Variants in ZNF236 observed in about 807,000 individuals in gnomAD.
The protein encoded by ZNF236 is regulated by glucose.
Under a neutral mutation model 191.2 loss-of-function variants are expected in ZNF236, and 50 were observed. The observed-to-expected ratio is 0.26, with a 90% CI of 0.21 to 0.33. The LOEUF (loss-of-function observed/expected upper bound fraction) is 0.33. Ranked by LOEUF, ZNF236 falls within the 10% of genes least tolerant of loss-of-function variation. The pLI is 1.00. For synonymous variants in ZNF236, 907 were observed against 928.8 expected, an observed-to-expected ratio of 0.98 and a Z score of 0.43; for missense variants, 1,754 against 2,374.5, an observed-to-expected ratio of 0.74 and a Z score of 5.43.
At chr18:76,877,394 G>A (rs894726008) in intron 6 of ZNF236, among the ~76,000 whole-genome samples, 1 of 152,022 alleles carries the variant, frequency 6.6e-6, no homozygotes, top group African/African-American at 2.4e-5. Flanking sequence ...TGTAATCCCA[G>A]CTACTTGGGA....
At chr18:76,852,912 C>T (rs868180040) in intron 3 of ZNF236, among the ~76,000 whole-genome samples, 1 of 152,106 alleles carries the variant, frequency 6.6e-6, no homozygotes, top group Non-Finnish European at 1.5e-5. Context: ...CCTTACTTCT[C>T]TTGTGATGTT....
At position 76,880,404 on chromosome 18, in the gene ZNF236, C is replaced by A. The variant is rs567355859; in HGVS notation, c.1188+88C>A. On this transcript the variant is annotated intron_variant, in intron 8 of 30. Coordinates refer to ENST00000320610, the MANE Select transcript of ZNF236 (RefSeq NM_001306089.2). This position sits in a 1 kb window ranked among gnomAD's most constrained non-coding sequence, Gnocchi z 5.0. ...GATAATTGAGAATAAATCTGCAGGG[C>A]TTGTCAAAGTCAGGGTATCCTCATG... is the stretch of plus-strand genomic sequence containing the variant. 72 of 1,347,636 alleles carry A rather than the reference C, an allele frequency of 5.3e-5. No homozygotes were observed. The East Asian group carries it at 1.6e-3, about 30-fold the overall frequency. 83.5% of individuals were successfully genotyped at this position (1,347,636 alleles called of 1,614,324 possible). A position where few individuals can be genotyped will look rare whatever the true frequency, so the allele number is the denominator to read the frequency against.
intron 1 of ZNF236, among the ~76,000 whole-genome samples, chr18:76,843,373 A>G (rs1239458850): frequency 6.6e-6 from 1 of 152,204 alleles, no homozygotes; most frequent in African/African-American, 2.4e-5. Flanking sequence ...GGGCTCCAGG[A>G]TCCAGACACT....
At chr18:76,928,410 G>C (rs1021267250) in intron 25 of ZNF236, among the ~76,000 whole-genome samples, 1 of 152,192 alleles carries the variant, frequency 6.6e-6, no homozygotes, top group Non-Finnish European at 1.5e-5. Flanking sequence ...AGCAGAAAGC[G>C]TAGCTTTGTG....
chr18:76,937,657 A>T (rs575585823), intron 26 of ZNF236, among the ~76,000 whole-genome samples: 1 of 152,290 alleles, frequency 6.6e-6, no homozygotes, highest in East Asian at 1.9e-4. Flanking sequence ...CATAGTTATA[A>T]ATTTCTGCAG....
chr18:76,900,285 A>G (rs1048464591), intron 11 of ZNF236, among the ~76,000 whole-genome samples: 10 of 152,212 alleles, frequency 6.6e-5, no homozygotes, highest in African/African-American at 1.9e-4. Context: ...TTTAACATCA[A>G]AATATTTAAA....
intron 9 of ZNF236, among the ~76,000 whole-genome samples, chr18:76,890,317 G>A (rs778314368): frequency 6.5e-4 from 99 of 151,982 alleles, no homozygotes; most frequent in Non-Finnish European, 3.7e-4. Flanking sequence ...TAAAATCAAG[G>A]ACATCCTTGT....
chr18:76,966,882 A>G (rs1431691573), intron 30 of ZNF236, among the ~76,000 whole-genome samples: 1 of 152,352 alleles, frequency 6.6e-6, no homozygotes, highest in Non-Finnish European at 1.5e-5. Flanking sequence ...GGCAGTAGCT[A>G]TGCAAGGAAC....
chr18:76,866,996 T>A (rs1005589623), intron 3 of ZNF236, among the ~76,000 whole-genome samples: 1 of 152,110 alleles, frequency 6.6e-6, no homozygotes, highest in Non-Finnish European at 1.5e-5. Context: ...CTCAGACAGA[T>A]CCAACAAATG....
At chr18:76,965,212 T>C (rs932467273) in intron 30 of ZNF236, among the ~76,000 whole-genome samples, 8 of 152,238 alleles carry the variant, frequency 5.3e-5, no homozygotes, top group Non-Finnish European at 1.2e-4. Flanking sequence ...TTTCTATAAG[T>C]ATGTCTATTG....
At chr18:76,900,995 G>A (rs371162437) in intron 11 of ZNF236, among the ~76,000 whole-genome samples, 2 of 152,154 alleles carry the variant, frequency 1.3e-5, no homozygotes, top group African/African-American at 2.4e-5. Context: ...AATAGGGTTC[G>A]CACTCCTGTG....
rs1000706982 is a variant in ZNF236 at position 76,880,721 on chromosome 18, G to C, written c.1188+405G>C. 1.3e-5 allele frequency among the ~76,000 whole-genome samples: 2 copies of C among 152,112 alleles called. No homozygotes were observed. The highest frequency in any genetic ancestry group is 4.8e-5 in the African/African-American group (2 of 41,406). Reference sequence around the variant, plus strand: ...CGTTCATACTGCCTGGCCTTCTCTCGTGGGTGTGTGGGCAGCACCTGCACG... The same window carrying C: ...CGTTCATACTGCCTGGCCTTCTCTCCTGGGTGTGTGGGCAGCACCTGCACG... On this transcript the variant is annotated intron_variant, in intron 8 of 30. Transcript: ENST00000320610. This position sits in a 1 kb window ranked among gnomAD's most constrained non-coding sequence, Gnocchi z 5.0.
At chr18:76,890,437 G>A (rs771376963) in intron 9 of ZNF236, among the ~76,000 whole-genome samples, 8 of 152,070 alleles carry the variant, frequency 5.3e-5, no homozygotes, top group Non-Finnish European at 1.0e-4. Context: ...TAACATACTT[G>A]ATAACAAATG....
intron 22 of ZNF236, 72 bp from the exon 23 acceptor site, chr18:76,926,965 A>AT (rs1967713694): frequency 6.5e-7 from 1 of 1,531,068 alleles, no homozygotes; most frequent in African/African-American, 1.4e-5. Context: ...ATCCCTATGT[A>AT]AAAAATGAAT....
intron 1 of ZNF236, among the ~76,000 whole-genome samples, chr18:76,825,199 G>T (rs1366241000): frequency 6.6e-6 from 1 of 152,180 alleles, no homozygotes; most frequent in Non-Finnish European, 1.5e-5. Flanking sequence ...GTGATTTAGC[G>T]TCTTCAGAGA....
intron 4 of ZNF236, among the ~76,000 whole-genome samples, chr18:76,870,261 T>A (rs1365411036): frequency 1.2e-5 from 1 of 83,102 alleles, no homozygotes; most frequent in East Asian, 3.3e-4. Flanking sequence ...GCTTTATGAT[T>A]TCAGTGATTT....
rs1242982983 is a variant in ZNF236, at chr18:76,969,553, T to A, written c.*1214T>A. 1.3e-5 allele frequency: 2 copies of A among 152,556 alleles called. No homozygotes were observed. The highest frequency in any genetic ancestry group is 4.8e-5 in the African/African-American group (2 of 41,460). 9.5% of individuals were successfully genotyped at this position (152,556 alleles called of 1,614,324 possible). On this transcript the variant is annotated 3_prime_UTR_variant, in exon 31 of 31. Coordinates refer to ENST00000320610, the MANE Select transcript of ZNF236 (RefSeq NM_001306089.2). ...TTCACCTCCCCACGAGCACTTCAGA[T>A]CAGTATTGTATTCATTTTATTCATA...
chr18:76,860,605 C>G lies in ZNF236; in HGVS notation c.364-8080C>G, dbSNP rs187634907. Among the ~76,000 whole-genome samples, 223 of 152,256 alleles carry G rather than the reference C, an allele frequency of 1.5e-3. 1 individual carries two copies. The highest frequency in any genetic ancestry group is 4.9e-3 in the African/African-American group (202 of 41,552). On this transcript the variant is annotated intron_variant, in intron 3 of 30. Coordinates refer to ENST00000320610, the MANE Select transcript of ZNF236 (RefSeq NM_001306089.2). ...TCTGCTGTTGTGTGGTTTTGTTATG[C>G]CGTGGTCTCCTGGGTAGGACCACAT...
At chr18:76,902,886 C>T (rs1599379546) in intron 11 of ZNF236, among the ~76,000 whole-genome samples, 2 of 152,034 alleles carry the variant, frequency 1.3e-5, no homozygotes, top group Admixed American at 1.3e-4. Context: ...CCACTGTGCC[C>T]AGCCTGCATT....
Sources: allele counts gnomAD v4.1 joint callset (sites outside exome capture counted in the v4.1 genomes callset), GRCh38; gene constraint gnomAD v4.1.1; non-coding constraint Gnocchi (gnomAD v3.1); transcripts MANE v1.5; gene names NCBI Gene and HGNC (gene_info 2026-07-23, HGNC 2026-07-21).